NAT10: variants seen among roughly 807,000 people sequenced by gnomAD.
NAT10 encodes the protein N-acetyltransferase 10, also known as RNA cytidine acetyltransferase.
NAT10 carries 109 observed loss-of-function variants against 132.2 expected under a neutral mutation model. The observed-to-expected ratio is 0.82, with a 90% CI of 0.71 to 0.97. The LOEUF is 0.97. NAT10 is among the 50% of genes least tolerant of loss of function. The pLI, the probability that NAT10 is intolerant of heterozygous loss-of-function variation, is 0.00. For synonymous variants in NAT10, 479 were observed against 478.0 expected (o/e 1.00, Z -0.03); for missense variants, 1,184 against 1,263.4 (o/e 0.94, Z 0.95).
At position 34,139,479 on chromosome 11, in the gene NAT10, G is replaced by T. The variant is rs1468113991; in HGVS notation, c.2403G>T (p.Gly801=). The change falls in exon 23 of 29, where the codon GGG becomes GGT. Residue 801 remains glycine (G), a synonymous_variant. Coordinates refer to ENST00000257829, the MANE Select transcript of NAT10 (RefSeq NM_024662.3). ...ALNIIQNRNM[G]KPAQPALSRE... is the part of the protein sequence containing the mutation. Reference sequence around the variant, plus strand: ...ACATCATTCAGAACAGGAACATGGGGAAGCCAGCCCAGCCTGGTGAGCCGG... The same window carrying T: ...ACATCATTCAGAACAGGAACATGGGTAAGCCAGCCCAGCCTGGTGAGCCGG... 1 of 1,614,082 alleles carries T rather than the reference G, an allele frequency of 6.2e-7. No homozygotes were observed. Among genetic ancestry groups the T allele is most frequent in the Admixed American group, 1.7e-5 (1 of 60,024 alleles).
chr11:34,119,502 A>G (rs980658948), intron 8 of NAT10, among the ~76,000 whole-genome samples: 2 of 152,234 alleles, frequency 1.3e-5, no homozygotes, highest in Admixed American at 6.5e-5. Context: ...CTTTATCACA[A>G]AAGAGAAGGA....
intron 15 of NAT10, among the ~76,000 whole-genome samples, chr11:34,132,528 T>C (rs532761981): frequency 5.3e-5 from 8 of 152,358 alleles, no homozygotes; most frequent in Admixed American, 1.3e-4. Flanking sequence ...TGAGACCAGC[T>C]TTATAGCTCT....
rs748712610 is a variant in NAT10 at position 34,122,487 on chromosome 11, G to T, written c.809G>T (p.Gly270Val). The stretch of plus-strand genomic sequence containing the variant: ...AAAGCTGTCTTGAAATTTATCGAGG[G>T]CATCTCTGAAAAGACCCTGAGGAGT... ...QAKAVLKFIE[G>V]ISEKTLRSTV... The change falls in exon 9 of 29, where the codon GGC becomes GTC. Residue 270 changes from glycine to valine, a missense_variant. Physicochemically the swap from Gly to Val is moderately radical, Grantham distance 109. Coordinates refer to ENST00000257829, the MANE Select transcript of NAT10 (RefSeq NM_024662.3). 1.9e-5 allele frequency: 30 copies of T among 1,614,062 alleles called. No individual in the cohort carries two copies. In the Admixed American group the frequency reaches 5.0e-4, roughly 27 times the overall value.
In NAT10 at chr11:34,134,474, CTGTGTTGCTAAGTTACTGGTT is replaced by C. The variant is rs1565116718; in HGVS notation, c.1837-32_1837-12del. 2 of 1,613,838 alleles carry C rather than the reference CTGTGTTGCTAAGTTACTGGTT, an allele frequency of 1.2e-6. No homozygotes were observed. Among genetic ancestry groups the C allele is most frequent in the Non-Finnish European group, 1.7e-6 (2 of 1,179,716 alleles). Reference sequence around the variant, plus strand: ...GGAAGCTGGTGGTGTCCAAAGATGTCTGTGTTGCTAAGTTACTGGTTTGTGTCTCCCACACAGTTCCAAGAT... The same window carrying C: ...GGAAGCTGGTGGTGTCCAAAGATGTCTGTGTCTCCCACACAGTTCCAAGAT... On this transcript the variant is annotated splice_polypyrimidine_tract_variant and intron_variant, in intron 17 of 28. Transcript: ENST00000257829.
intron 1 of NAT10, among the ~76,000 whole-genome samples, chr11:34,107,869 G>A (rs1340323096): frequency 4.6e-5 from 7 of 152,202 alleles, no homozygotes; most frequent in African/African-American, 9.7e-5. Flanking sequence ...GTGAGACTCC[G>A]TCTCAAAAAC....
chr11:34,136,995 G>C lies in NAT10; in HGVS notation c.2180G>C (p.Gly727Ala), dbSNP rs777816489. ...CTTTGCAGGTTCTGGAAACGAGCTG[G>C]ATTTGTTCCTGTTTATCTGAGACAG... ...PRLLKFWKRA[G>A]FVPVYLRQTP... The change falls in exon 21 of 29, where the codon GGA (glycine) becomes GCA (alanine). Residue 727 changes from glycine (G) to alanine (A), a missense_variant. By Grantham distance (60) the Gly-to-Ala change is moderately conservative. Coordinates refer to ENST00000257829, the MANE Select transcript of NAT10 (RefSeq NM_024662.3). 2.5e-6 allele frequency: 4 copies of C among 1,614,078 alleles called. No individual in the cohort carries two copies. The African/African-American group carries it at 5.3e-5, about 22-fold the overall frequency.
chr11:34,120,909 G>A (rs935845498), intron 8 of NAT10, among the ~76,000 whole-genome samples: 13 of 152,206 alleles, frequency 8.5e-5, no homozygotes, highest in Non-Finnish European at 1.8e-4. Flanking sequence ...AAGGAGGCGA[G>A]GTGAGGAAAC....
chr11:34,135,828 T>G (rs1044301445), intron 19 of NAT10, among the ~76,000 whole-genome samples: 12 of 151,932 alleles, frequency 7.9e-5, no homozygotes, highest in Non-Finnish European at 1.3e-4. Flanking sequence ...CCGAGCATGG[T>G]GGTGCACGCC....
Position 34,146,623 on chromosome 11 carries a change from C to T in NAT10, c.*431C>T, listed in dbSNP as rs566520621. 7.0e-5 allele frequency: 11 copies of T among 156,366 alleles called. No homozygotes were observed. Among genetic ancestry groups the T allele is most frequent in the Admixed American group, 6.2e-4 (10 of 16,036 alleles). The allele number at this position is 156,366 out of a possible 1,614,324, so 9.7% of individuals were successfully genotyped here. On this transcript the variant is annotated 3_prime_UTR_variant, in exon 29 of 29. Coordinates refer to ENST00000257829, the MANE Select transcript of NAT10 (RefSeq NM_024662.3). ...GGGCCGCTGGGTCTCTCTTTGTGGA[C>T]TTGTACCTGGAGCAGGAGGAACTCC...
chr11:34,115,213 G>A (rs1045678015), intron 5 of NAT10, among the ~76,000 whole-genome samples: 5 of 152,160 alleles, frequency 3.3e-5, no homozygotes, highest in African/African-American at 9.7e-5. Context: ...TTTCTTTGCT[G>A]TTGCATTTCC....
intron 3 of NAT10, among the ~76,000 whole-genome samples, chr11:34,111,643 C>T (rs995113788): frequency 6.6e-6 from 1 of 152,152 alleles, no homozygotes; most frequent in Non-Finnish European, 1.5e-5. Flanking sequence ...AGTAACGTGC[C>T]ATCACCTTGT....
intron 5 of NAT10, among the ~76,000 whole-genome samples, chr11:34,114,652 C>T (rs576658693): frequency 1.3e-5 from 2 of 152,286 alleles, no homozygotes; most frequent in East Asian, 3.9e-4. Flanking sequence ...GAATGTGCTT[C>T]CTCTGGACCT....
At chr11:34,128,753 C>T (rs1235995121) in intron 12 of NAT10, among the ~76,000 whole-genome samples, 1 of 152,144 alleles carries the variant, frequency 6.6e-6, no homozygotes, top group Non-Finnish European at 1.5e-5. Flanking sequence ...AGTATGTTCA[C>T]AGAGTTGTGC....
intron 23 of NAT10, 134 bp downstream of exon 23, chr11:34,139,629 C>G: frequency 4.1e-6 from 3 of 733,474 alleles, no homozygotes; most frequent in Non-Finnish European, 4.7e-6. Flanking sequence ...CTGGTCACCA[C>G]CCGCTTGCCA....
chr11:34,124,836 C>G (rs1263404957), intron 11 of NAT10, among the ~76,000 whole-genome samples: 1 of 152,122 alleles, frequency 6.6e-6, no homozygotes, highest in Non-Finnish European at 1.5e-5. Flanking sequence ...GGCCTATTTT[C>G]TTTTTTAAAC....
chr11:34,108,523 T>C (rs1851635808), intron 2 of NAT10, among the ~76,000 whole-genome samples, 190 bp downstream of exon 2: 1 of 152,202 alleles, frequency 6.6e-6, no homozygotes, highest in South Asian at 2.1e-4. Context: ...GCAGACAAGC[T>C]AATACCTTTT....
Position 34,142,354 on chromosome 11 carries a change from G to C in NAT10, c.2885+6G>C, listed in dbSNP as rs55971979. On this transcript the variant is annotated splice_donor_region_variant and intron_variant, in intron 27 of 28. Transcript: ENST00000257829. ...AAGAGCATGGACCTCTCTGAGTAAG[G>C]CTTGTGGGAAGCAGAGGGTTTGCCT... 1.5e-3 allele frequency: 2,448 copies of C among 1,613,778 alleles called. 32 individuals are homozygous for C. In the African/African-American group the frequency reaches 0.028, roughly 18 times the overall value.
At chr11:34,122,275 G>A (rs1851908351) in intron 8 of NAT10, among the ~76,000 whole-genome samples, 184 bp from the exon 9 acceptor site, 1 of 152,198 alleles carries the variant, frequency 6.6e-6, no homozygotes, top group South Asian at 2.1e-4. Flanking sequence ...CAAAGGCCTT[G>A]AGACTGAAAT....
intron 11 of NAT10, among the ~76,000 whole-genome samples, chr11:34,126,243 C>T (rs777504468): frequency 6.6e-6 from 1 of 152,098 alleles, no homozygotes; most frequent in Non-Finnish European, 1.5e-5. Flanking sequence ...GTCCCTCAAC[C>T]CCTTTCCATC....
Sources: gnomAD v4.1 joint callset for allele counts (sites outside exome capture counted in the v4.1 genomes callset) on GRCh38, gnomAD v4.1.1 for gene constraint, MANE v1.5 for transcripts, NCBI Gene and HGNC (gene_info 2026-07-23, HGNC 2026-07-21) for gene names.